Variants in FAR2 observed in about 807,000 individuals in gnomAD.
The protein encoded by FAR2 is fatty acyl-CoA reductase 2, also known as epididymis secretory protein Li 81.
In FAR2, 19 loss-of-function variants were observed where a neutral mutation model predicts 56.0. The observed-to-expected ratio is 0.34, with a 90% CI of 0.24 to 0.50. FAR2 has a LOEUF of 0.50. Among genes scored for constraint, FAR2 ranks in the 20% least tolerant of loss-of-function variants. The pLI, the probability that FAR2 is intolerant of heterozygous loss-of-function variation, is 0.98. For missense variants in FAR2, 508 were observed against 642.2 expected (o/e 0.79, Z 2.26); for synonymous variants, 219 against 218.8 (o/e 1.00, Z -0.01).
At chr12:29,167,395 A>G (rs1226379831) in intron 1 of FAR2, among the ~76,000 whole-genome samples, 1 of 152,192 alleles carries the variant, frequency 6.6e-6, no homozygotes, top group East Asian at 1.9e-4. Context: ...TTAGAGGATG[A>G]CATGACATTC....
intron 1 of FAR2, among the ~76,000 whole-genome samples, chr12:29,208,062 A>G (rs1015789928): frequency 6.6e-5 from 10 of 152,262 alleles, no homozygotes; most frequent in Non-Finnish European, 1.5e-4. Context: ...AAAAACTTAT[A>G]TAAAATAGTA....
intron 8 of FAR2, 42 bp from the exon 9 acceptor site, chr12:29,316,799 T>G: frequency 3.8e-6 from 6 of 1,595,862 alleles, no homozygotes; most frequent in Non-Finnish European, 5.1e-6. Flanking sequence ...TGGACTTATA[T>G]TCTCCTTTTC....
chr12:29,228,799 G>T (rs566922022), intron 1 of FAR2, among the ~76,000 whole-genome samples: 19 of 152,160 alleles, frequency 1.2e-4, no homozygotes, highest in Non-Finnish European at 2.4e-4. Flanking sequence ...TGTTGGCCAG[G>T]CTGGTCTCAA....
At position 29,249,733 on chromosome 12, in the gene FAR2, A is replaced by G. The variant is rs146356937; in HGVS notation, c.-38-20679A>G. 6.6e-5 allele frequency among the ~76,000 whole-genome samples: 10 copies of G among 152,332 alleles called. No individual in the cohort carries two copies. In the East Asian group the frequency reaches 1.9e-3, roughly 29 times the overall value. Reference sequence around the variant, plus strand: ...TAGAAATGTAAATTATCAAGTAAGCAGATTATTTTATTATTATTAGTTTTA... The same window carrying G: ...TAGAAATGTAAATTATCAAGTAAGCGGATTATTTTATTATTATTAGTTTTA... On this transcript the variant is annotated intron_variant, in intron 1 of 11. Transcript: ENST00000536681.
chr12:29,200,768 T>C (rs1185060135), intron 1 of FAR2, among the ~76,000 whole-genome samples: 1 of 152,182 alleles, frequency 6.6e-6, no homozygotes, highest in African/African-American at 2.4e-5. Flanking sequence ...TGATGTACCG[T>C]GGGTGCTTAA....
chr12:29,268,801 C>T lies in FAR2; in HGVS notation c.-38-1611C>T, dbSNP rs190827135. Among the ~76,000 whole-genome samples, 1,399 of 152,208 alleles carry T rather than the reference C, an allele frequency of 9.2e-3. 18 individuals carry two copies. The highest frequency in any genetic ancestry group is 0.032 in the African/African-American group (1,332 of 41,508). On this transcript the variant is annotated intron_variant, in intron 1 of 11. Transcript: ENST00000536681. ...AGTACAAAAGAGAGAAATTTTAAAG[C>T]TGGGCATCCGGGGGAGACATCACAT...
At chr12:29,160,327 A>T (rs959875658) in intron 1 of FAR2, among the ~76,000 whole-genome samples, 1 of 152,220 alleles carries the variant, frequency 6.6e-6, no homozygotes, top group African/African-American at 2.4e-5. Context: ...GGATTATGTC[A>T]TTCCCCTGCA....
intron 1 of FAR2, among the ~76,000 whole-genome samples, chr12:29,231,857 C>T (rs1947862673): frequency 6.6e-6 from 1 of 152,120 alleles, no homozygotes; most frequent in African/African-American, 2.4e-5. Flanking sequence ...AAGAAACAAT[C>T]CTCACCATCA....
At chr12:29,153,609 A>G (rs992208675) in intron 1 of FAR2, among the ~76,000 whole-genome samples, 4 of 152,294 alleles carry the variant, frequency 2.6e-5, no homozygotes, top group Non-Finnish European at 4.4e-5. Context: ...GACTGTTCTA[A>G]TTTCTATTTT....
chr12:29,248,911 C>T (rs1007646249), intron 1 of FAR2, among the ~76,000 whole-genome samples: 32 of 152,336 alleles, frequency 2.1e-4, no homozygotes, highest in East Asian at 9.6e-4. Context: ...CCCGGCTCAC[C>T]GGCGGTCAGA....
At chr12:29,297,232 G>T in intron 4 of FAR2, 32 bp downstream of exon 4, 2 of 1,576,378 alleles carry the variant, frequency 1.3e-6, no homozygotes, top group Non-Finnish European at 1.7e-6. Flanking sequence ...ATCAAGGGGC[G>T]GGTAGAATAA....
chr12:29,219,135 C>G (rs1477272535), intron 1 of FAR2, among the ~76,000 whole-genome samples: 3 of 152,076 alleles, frequency 2.0e-5, no homozygotes, highest in Non-Finnish European at 4.4e-5. Flanking sequence ...GTGATCCACC[C>G]ACCTTTGCCT....
intron 2 of FAR2, among the ~76,000 whole-genome samples, chr12:29,276,491 T>C (rs896306193): frequency 1.3e-5 from 2 of 152,206 alleles, no homozygotes; most frequent in African/African-American, 4.8e-5. Context: ...AAATATCTAC[T>C]TTCTTGTCAC....
chr12:29,189,124 G>A (rs1950075845), intron 1 of FAR2, among the ~76,000 whole-genome samples: 1 of 152,110 alleles, frequency 6.6e-6, no homozygotes, highest in African/African-American at 2.4e-5. Context: ...AAGGGGGAAA[G>A]GGAACTCAGC....
At chr12:29,264,616 A>AAAAATAAAT (rs1555116341) in intron 1 of FAR2, among the ~76,000 whole-genome samples, 1 of 130,090 alleles carries the variant, frequency 7.7e-6, no homozygotes, top group Non-Finnish European at 1.6e-5. Flanking sequence ...ATCCTGTCTC[A>AAAAATAAAT]AAATAAATAA....
chr12:29,326,570 C>T (rs1591974197), intron 10 of FAR2, among the ~76,000 whole-genome samples: 1 of 151,944 alleles, frequency 6.6e-6, no homozygotes, highest in South Asian at 2.1e-4. Context: ...AAGTGGGCTT[C>T]ATCCCTGGGA....
At chr12:29,154,352 T>G (rs1449089048) in intron 1 of FAR2, among the ~76,000 whole-genome samples, 3 of 152,200 alleles carry the variant, frequency 2.0e-5, no homozygotes, top group Non-Finnish European at 2.9e-5. Flanking sequence ...AAAGCTTCCC[T>G]GATGATATGA....
chr12:29,211,850 A>G (rs547757722), intron 1 of FAR2, among the ~76,000 whole-genome samples: 1 of 149,864 alleles, frequency 6.7e-6, no homozygotes, highest in African/African-American at 2.5e-5. Context: ...GTCATCCCAA[A>G]GCAGAGTGGA....
chr12:29,216,192 A>G (rs867242394), intron 1 of FAR2, among the ~76,000 whole-genome samples: 16 of 152,328 alleles, frequency 1.1e-4, no homozygotes, highest in South Asian at 4.1e-4. Context: ...ATCTGACACT[A>G]TCTACCTCCA....
Sources: allele counts gnomAD v4.1 joint callset (sites outside exome capture counted in the v4.1 genomes callset), GRCh38; gene constraint gnomAD v4.1.1; transcripts MANE v1.5; gene names NCBI Gene and HGNC (gene_info 2026-07-23, HGNC 2026-07-21).